HDAC9: variants seen among roughly 807,000 people sequenced by gnomAD.
The protein encoded by HDAC9 is MEF-2 interacting transcription repressor (MITR) protein.
In HDAC9, 41 loss-of-function variants were observed where a neutral mutation model predicts 139.4. The ratio of observed to expected loss-of-function variants is 0.29; its 90% CI spans 0.23 to 0.38. The LOEUF is 0.38. Ranked by LOEUF, HDAC9 falls within the 10% of genes least tolerant of loss-of-function variation. The pLI is 1.00. For missense variants in HDAC9, 1,147 were observed against 1,297.0 expected (o/e 0.88, Z 1.78); for synonymous variants, 517 against 476.2 (o/e 1.09, Z -1.12).
At chr7:18,521,694 C>T (rs1805088944) in intron 2 of HDAC9, among the ~76,000 whole-genome samples, 1 of 151,998 alleles carries the variant, frequency 6.6e-6, no homozygotes, top group Non-Finnish European at 1.5e-5. Flanking sequence ...AATAATATGA[C>T]TAATAATAAA....
chr7:18,408,423 A>G (rs1788222743), intron 1 of HDAC9, among the ~76,000 whole-genome samples: 1 of 152,212 alleles, frequency 6.6e-6, no homozygotes, highest in African/African-American at 2.4e-5. Context: ...AGATGCTATA[A>G]TAATAATTCT....
intron 12 of HDAC9, among the ~76,000 whole-genome samples, chr7:18,678,878 A>C (rs916777286): frequency 1.4e-4 from 21 of 151,940 alleles, no homozygotes; most frequent in African/African-American, 5.1e-4. Flanking sequence ...GAAACATTCA[A>C]GGCTTGTGTT....
chr7:18,337,658 T>A (rs1781682083), intron 1 of HDAC9, among the ~76,000 whole-genome samples: 1 of 151,744 alleles, frequency 6.6e-6, no homozygotes. Flanking sequence ...TGTGCTGAAC[T>A]TCATTACCAT....
chr7:18,900,378 A>G (rs1801588188), intron 22 of HDAC9, among the ~76,000 whole-genome samples: 1 of 152,180 alleles, frequency 6.6e-6, no homozygotes, highest in Non-Finnish European at 1.5e-5. Flanking sequence ...GATTTAGCCC[A>G]CTGAAGAACA....
At chr7:18,258,115 A>G (rs1429100795) in intron 2 of HDAC9, among the ~76,000 whole-genome samples, 1 of 152,264 alleles carries the variant, frequency 6.6e-6, no homozygotes. Flanking sequence ...TTAGATAAAC[A>G]TTATGGAGCA....
intron 12 of HDAC9, among the ~76,000 whole-genome samples, chr7:18,680,457 T>C (rs1008211085): frequency 6.6e-6 from 1 of 151,994 alleles, no homozygotes; most frequent in Non-Finnish European, 1.5e-5. Flanking sequence ...TTAGTGAACC[T>C]TGATGGGCAG....
At chr7:18,409,424 C>T (rs1455555197) in intron 1 of HDAC9, among the ~76,000 whole-genome samples, 1 of 151,810 alleles carries the variant, frequency 6.6e-6, no homozygotes, top group African/African-American at 2.4e-5. Context: ...CTTTTTTTCA[C>T]AGAAAGTGAA....
Position 18,979,279 on chromosome 7 carries a change from A to G in HDAC9, c.3170+3326A>G, listed in dbSNP as rs115655629. Among the ~76,000 whole-genome samples, 933 of 152,290 alleles carry G rather than the reference A, an allele frequency of 6.1e-3. 12 individuals carry two copies. Among genetic ancestry groups the G allele is most frequent in the African/African-American group, 0.022 (898 of 41,556 alleles). On this transcript the variant is annotated intron_variant, in intron 25 of 25. Transcript: ENST00000686413. ...TTTGAATGGCTTATCAATAGTTCCA[A>G]TGACATCAAAAACCCCATTTTCCTG...
intron 23 of HDAC9, among the ~76,000 whole-genome samples, chr7:18,951,026 G>A (rs1782756276): frequency 6.6e-6 from 1 of 151,888 alleles, no homozygotes; most frequent in Admixed American, 6.6e-5. Flanking sequence ...TCAGTGAGCT[G>A]TTTTTCATAG....
chr7:18,411,270 G>A (rs76788832), intron 1 of HDAC9, among the ~76,000 whole-genome samples: 3,150 of 152,128 alleles, frequency 0.021, 121 homozygotes, highest in African/African-American at 0.072. Flanking sequence ...TTGACTTTAC[G>A]GTGGTACAAA....
intron 2 of HDAC9, among the ~76,000 whole-genome samples, chr7:18,523,125 A>T (rs898622975): frequency 2.0e-5 from 3 of 152,228 alleles, no homozygotes; most frequent in African/African-American, 7.2e-5. Context: ...TAATGTTGCC[A>T]TGGCTGGAGA....
intron 1 of HDAC9, among the ~76,000 whole-genome samples, chr7:18,153,080 A>G (rs1263280397): frequency 6.6e-6 from 1 of 152,104 alleles, no homozygotes; most frequent in Non-Finnish European, 1.5e-5. Flanking sequence ...AAGATGGGAG[A>G]TGAGGTTGGT....
At chr7:18,144,616 A>T (rs910698965) in intron 1 of HDAC9, among the ~76,000 whole-genome samples, 2 of 151,958 alleles carry the variant, frequency 1.3e-5, no homozygotes, top group Non-Finnish European at 2.9e-5. Flanking sequence ...TTTTTTCCCT[A>T]AAAGTTAACC....
At chr7:18,273,887 A>G (rs149778059) in intron 2 of HDAC9, among the ~76,000 whole-genome samples, 1 of 152,296 alleles carries the variant, frequency 6.6e-6, no homozygotes, top group African/African-American at 2.4e-5. Context: ...CTGTTATACA[A>G]TTTTACGCAT....
chr7:18,161,184 A>G (rs1345796902), intron 1 of HDAC9, among the ~76,000 whole-genome samples: 2 of 152,226 alleles, frequency 1.3e-5, no homozygotes, highest in African/African-American at 4.8e-5. Flanking sequence ...TAATGACACT[A>G]CTTAGCTGTT....
At chr7:18,439,913 T>G (rs1791590146) in intron 1 of HDAC9, among the ~76,000 whole-genome samples, 1 of 152,220 alleles carries the variant, frequency 6.6e-6, no homozygotes, top group African/African-American at 2.4e-5. Flanking sequence ...TTCTATTTTT[T>G]GAACTGCTTT....
intron 1 of HDAC9, among the ~76,000 whole-genome samples, chr7:18,402,324 A>G (rs781695475): frequency 4.6e-5 from 7 of 152,196 alleles, no homozygotes; most frequent in African/African-American, 2.4e-5. Context: ...AGAGCTCAAC[A>G]AAGGCCTCCT....
rs118165662 is a variant in HDAC9 at position 18,486,793 on chromosome 7, A to G, written c.-41-9469A>G. 1.5e-3 allele frequency among the ~76,000 whole-genome samples: 235 copies of G among 152,180 alleles called. 2 individuals are homozygous for G. The East Asian group carries it at 0.016, about 10-fold the overall frequency. On this transcript the variant is annotated intron_variant, in intron 1 of 3. Coordinates refer to the HDAC9 transcript ENST00000413509. ...TAATTTCGTCCAGAAAAAATATTAG[A>G]TTTGGGAAGGGTGGTAGGTAGAATG...
Position 18,267,439 on chromosome 7 carries a change from C to T in HDAC9, c.25+105090C>T, listed in dbSNP as rs368147386. Among the ~76,000 whole-genome samples, 37 of 152,126 alleles carry T rather than the reference C, an allele frequency of 2.4e-4. No individual in the cohort carries two copies. In the South Asian group the frequency reaches 2.5e-3, roughly 10 times the overall value. On this transcript the variant is annotated intron_variant, in intron 2 of 12. Transcript: ENST00000417496. ...CTTTATATCTTTTGACCAAGAGCTC[C>T]CCAGTCTCTTCCCCACAACACTGTT...
Sources: gnomAD v4.1 joint callset for allele counts (sites outside exome capture counted in the v4.1 genomes callset) on GRCh38, gnomAD v4.1.1 for gene constraint, MANE v1.5 for transcripts, NCBI Gene and HGNC (gene_info 2026-07-23, HGNC 2026-07-21) for gene names.